ATPAF2: variants seen among roughly 807,000 people sequenced by gnomAD.
ATPAF2 encodes the protein ATP synthase mitochondrial F1 complex assembly factor 2, also known as ATP12 homolog.
A neutral mutation model predicts 36.6 loss-of-function variants in ATPAF2; 30 were observed. That is an observed-to-expected ratio of 0.82 (90% CI 0.61 to 1.11). The LOEUF (loss-of-function observed/expected upper bound fraction) is 1.11. Among genes scored for constraint, ATPAF2 ranks in the 50% most tolerant of loss-of-function variants. The pLI, the probability that ATPAF2 is intolerant of heterozygous loss-of-function variation, is 0.00. For missense variants in ATPAF2, 321 were observed against 372.3 expected (o/e 0.86, Z 1.13); for synonymous variants, 140 against 152.6 (o/e 0.92, Z 0.61).
intron 1 of ATPAF2, among the ~76,000 whole-genome samples, chr17:18,035,197 C>A (rs1424249238): frequency 6.6e-6 from 1 of 151,984 alleles, no homozygotes; most frequent in Non-Finnish European, 1.5e-5. Flanking sequence ...CCACTACACT[C>A]CAGCCTGGGC....
downstream of ATPAF2, chr17:18,016,811 C>A: frequency 2.0e-6 from 1 of 506,372 alleles, no homozygotes; most frequent in Non-Finnish European, 3.5e-6. Flanking sequence ...TCTTCCCCCA[C>A]CCCTGGAAAA....
chr17:18,021,879 C>T (rs748004339), intron 5 of ATPAF2, 22 bp from the exon 6 acceptor site: 7 of 1,604,062 alleles, frequency 4.4e-6, no homozygotes, highest in Non-Finnish European at 6.0e-6. Context: ...AGGGCTTCGG[C>T]ATGTCTCTGT....
chr17:18,038,665 A>G (rs1343187048), intron 1 of ATPAF2, among the ~76,000 whole-genome samples: 3 of 152,184 alleles, frequency 2.0e-5, no homozygotes, highest in African/African-American at 7.2e-5. Context: ...GCACAGGCCA[A>G]ATATCAATTA....
intron 7 of ATPAF2, 109 bp downstream of exon 7, chr17:18,021,014 A>G: frequency 6.7e-7 from 1 of 1,485,480 alleles, no homozygotes; most frequent in South Asian, 1.4e-5. Flanking sequence ...TGTACATAAA[A>G]GTAATAAAAG....
At chr17:18,022,299 T>G (rs904977877) in intron 5 of ATPAF2, among the ~76,000 whole-genome samples, 12 of 152,222 alleles carry the variant, frequency 7.9e-5, no homozygotes, top group African/African-American at 2.9e-4. Context: ...TCTTTTTTAT[T>G]GAGACAGGGT....
chr17:18,028,908 C>A (rs557415946), intron 1 of ATPAF2, among the ~76,000 whole-genome samples: 2 of 152,268 alleles, frequency 1.3e-5, no homozygotes, highest in East Asian at 3.9e-4. Flanking sequence ...GCCAGCCCCG[C>A]AGCCTGGGGA....
At chr17:18,030,096 G>A (rs2145508204) in intron 1 of ATPAF2, among the ~76,000 whole-genome samples, 1 of 151,194 alleles carries the variant, frequency 6.6e-6, no homozygotes, top group East Asian at 2.0e-4. Context: ...GGAGGCGGGT[G>A]GATCACCTGA....
intron 6 of ATPAF2, 104 bp from the exon 7 acceptor site, chr17:18,021,342 A>C: frequency 1.2e-6 from 1 of 866,728 alleles, no homozygotes; most frequent in Non-Finnish European, 1.9e-6. Flanking sequence ...TGAGTGGTGC[A>C]AAGAGCCATC....
At chr17:18,020,064 G>A (rs1377187336) in intron 7 of ATPAF2, among the ~76,000 whole-genome samples, 3 of 152,052 alleles carry the variant, frequency 2.0e-5, no homozygotes, top group Non-Finnish European at 1.5e-5. Flanking sequence ...CTGAGCAGAA[G>A]ACTACAAGAA....
At chr17:18,016,430 G>A (rs1012723164), downstream of ATPAF2, 1 of 795,852 alleles carries the variant, frequency 1.3e-6, no homozygotes, top group Non-Finnish European at 2.0e-6. Context: ...AGAACCTGGG[G>A]AGGCGCTGAA....
intron 7 of ATPAF2, among the ~76,000 whole-genome samples, chr17:18,019,186 C>CACACACA (rs71155310): frequency 3.4e-5 from 5 of 147,146 alleles, no homozygotes; most frequent in South Asian, 2.2e-4. Context: ...CACACACACA[C>CACACACA]CCCACCACCC....
chr17:18,031,509 C>T (rs1166039085), intron 1 of ATPAF2, among the ~76,000 whole-genome samples: 6 of 151,730 alleles, frequency 4.0e-5, no homozygotes, highest in Admixed American at 6.6e-5. Flanking sequence ...AGGCCAGGCG[C>T]GGTGGTCACG....
chr17:18,015,228 G>A (rs977376363), downstream of ATPAF2: 4 of 152,164 alleles, frequency 2.6e-5, no homozygotes, highest in Non-Finnish European at 5.9e-5. Context: ...TGCACAGAAC[G>A]TTTTAGAGAC....
downstream of ATPAF2, chr17:18,016,134 A>T: frequency 6.2e-7 from 1 of 1,613,978 alleles, no homozygotes; most frequent in Non-Finnish European, 8.5e-7. Context: ...CTGAAGATTG[A>T]CAATCGAGAA....
At position 18,018,578 on chromosome 17, in the gene ATPAF2, T is replaced by C; in HGVS notation, c.841A>G (p.Thr281Ala). 6.2e-7 allele frequency: 1 copy of C among 1,613,862 alleles called. No homozygotes were observed. Among genetic ancestry groups the C allele is most frequent in the Non-Finnish European group, 8.5e-7 (1 of 1,180,014 alleles). ...LFIHLCSEST[T>A]VKHKLLKE ...TCCTTCAGGAGCTTGTGCTTGACTG[T>C]GGTGCTCTCGGAGCAGAGATGGATG... Residue 281 changes from threonine (T) to alanine (A), a missense_variant, in exon 8 of 8, where the codon ACA (threonine) becomes GCA (alanine). Transcript: ENST00000474627.
intron 4 of ATPAF2, 47 bp from the exon 5 acceptor site, chr17:18,024,751 C>T: frequency 6.6e-7 from 1 of 1,519,694 alleles, no homozygotes; most frequent in Non-Finnish European, 9.1e-7. Flanking sequence ...AGTACAATTC[C>T]TTCATTCAGT....
chr17:18,021,629 G>A (rs928365297), intron 6 of ATPAF2, 116 bp downstream of exon 6: 1 of 927,614 alleles, frequency 1.1e-6, no homozygotes, highest in Non-Finnish European at 1.8e-6. Flanking sequence ...CACTCAGCTA[G>A]CCCAGAACAC....
intron 1 of ATPAF2, among the ~76,000 whole-genome samples, chr17:18,031,703 C>G (rs2044638731): frequency 6.6e-6 from 1 of 152,056 alleles, no homozygotes; most frequent in African/African-American, 2.4e-5. Context: ...TGGCGTGAAC[C>G]CGGGAGGTGG....
chr17:18,030,979 T>TC (rs2044624962), intron 1 of ATPAF2, among the ~76,000 whole-genome samples: 1 of 126,432 alleles, frequency 7.9e-6, no homozygotes, highest in Non-Finnish European at 1.7e-5. Flanking sequence ...GGCCTTTTTT[T>TC]TTTTTTTTTT....
Sources: gnomAD v4.1 joint callset for allele counts (sites outside exome capture counted in the v4.1 genomes callset) on GRCh38, gnomAD v4.1.1 for gene constraint, MANE v1.5 for transcripts, NCBI Gene and HGNC (gene_info 2026-07-23, HGNC 2026-07-21) for gene names.